The following COL11A1 variants were observed in gnomAD, a reference collection of about 807,000 sequenced individuals.
COL11A1 encodes the protein collagen alpha-1(XI) chain.
Under a neutral mutation model 265.2 loss-of-function variants are expected in COL11A1, and 74 were observed. That is an observed-to-expected ratio of 0.28 (90% confidence interval 0.23 to 0.34). The LOEUF (loss-of-function observed/expected upper bound fraction) is 0.34, where lower values mean the gene tolerates loss of function less well. Ranked by LOEUF, COL11A1 falls within the 10% of genes least tolerant of loss-of-function variation. The pLI is 1.00. For synonymous variants in COL11A1, 816 were observed against 727.6 expected (o/e 1.12, Z -1.96); for missense variants, 2,165 against 2,263.6 (o/e 0.96, Z 0.88).
intron 4 of COL11A1, among the ~76,000 whole-genome samples, chr1:103,069,854 C>T (rs12140473): frequency 0.11 from 16,767 of 151,748 alleles, 1,099 homozygotes; most frequent in Non-Finnish European, 0.14. Context: ...CACAATGTAA[C>T]ACTACAATGC....
chr1:102,983,691 G>A (rs1204317491), intron 31 of COL11A1, among the ~76,000 whole-genome samples: 1 of 151,870 alleles, frequency 6.6e-6, no homozygotes, highest in Non-Finnish European at 1.5e-5. Context: ...AAGTTAATAC[G>A]TTTGTGGAGA....
chr1:103,019,812 C>G (rs1046034899), intron 9 of COL11A1, among the ~76,000 whole-genome samples: 2 of 146,032 alleles, frequency 1.4e-5, no homozygotes, highest in African/African-American at 5.1e-5. Context: ...TTGTTCAATT[C>G]CCACCTATGA....
chr1:103,071,467 CTTTTTTTTTTTTTTTT>C (rs869263393), intron 4 of COL11A1, among the ~76,000 whole-genome samples: 1 of 49,892 alleles, frequency 2.0e-5, no homozygotes, highest in African/African-American at 7.9e-5. Flanking sequence ...GTTGGTAGGA[CTTTTTTTTTTTTTTTT>C]TTTTTTTTTT....
At chr1:102,994,035 G>A (rs1169461212) in intron 28 of COL11A1, among the ~76,000 whole-genome samples, 1 of 152,070 alleles carries the variant, frequency 6.6e-6, no homozygotes, top group African/African-American at 2.4e-5. Flanking sequence ...TAATAAATCT[G>A]ACAACATAGT....
intron 4 of COL11A1, among the ~76,000 whole-genome samples, chr1:103,052,516 C>T (rs538141135): frequency 2.0e-5 from 3 of 152,028 alleles, no homozygotes; most frequent in South Asian, 2.1e-4. Flanking sequence ...GTTATTATTC[C>T]CCCCTTGAAT....
At chr1:103,048,643 T>C (rs1669520201) in intron 4 of COL11A1, among the ~76,000 whole-genome samples, 1 of 152,166 alleles carries the variant, frequency 6.6e-6, no homozygotes, top group South Asian at 2.1e-4. Context: ...TATGCTAGCT[T>C]TTGAATGTGT....
intron 15 of COL11A1, among the ~76,000 whole-genome samples, chr1:103,006,701 C>T (rs12046276): frequency 1.3e-5 from 2 of 151,954 alleles, no homozygotes; most frequent in African/African-American, 2.4e-5. Flanking sequence ...CTATGCCCGG[C>T]TAATTTTTTG....
Position 102,918,737 on chromosome 1 carries a change from TTGAC to T in COL11A1, c.3762+1570_3762+1573del, listed in dbSNP as rs941426278. Among the ~76,000 whole-genome samples, 289 of 152,132 alleles carry T rather than the reference TTGAC, an allele frequency of 1.9e-3. 3 individuals carry two copies. Among genetic ancestry groups the T allele is most frequent in the Non-Finnish European group, 3.0e-3 (205 of 67,884 alleles). On this transcript the variant is annotated intron_variant, in intron 49 of 66. Transcript: ENST00000370096. ...TGGGATTGATTCAAAATGATTCAGA[TTGAC>T]TGAATTATTCTCATAAGAGTCAAAG...
chr1:103,099,550 T>C (rs1348832752), intron 1 of COL11A1, among the ~76,000 whole-genome samples: 1 of 151,168 alleles, frequency 6.6e-6, no homozygotes, highest in African/African-American at 2.4e-5. Context: ...CCCAATAGCA[T>C]ACCAATCTGA....
At chr1:103,092,125 T>C (rs1418406027) in intron 1 of COL11A1, among the ~76,000 whole-genome samples, 4 of 152,106 alleles carry the variant, frequency 2.6e-5, no homozygotes, top group Non-Finnish European at 1.5e-5. Context: ...GCAAAATCAA[T>C]TGTATCAGCA....
At chr1:103,013,695 T>C (rs1269421872) in intron 13 of COL11A1, among the ~76,000 whole-genome samples, 1 of 151,916 alleles carries the variant, frequency 6.6e-6, no homozygotes, top group East Asian at 1.9e-4. Context: ...GCTGCATAAA[T>C]TCATCATGAT....
At chr1:103,053,488 G>T (rs1669992617) in intron 4 of COL11A1, among the ~76,000 whole-genome samples, 1 of 152,148 alleles carries the variant, frequency 6.6e-6, no homozygotes, top group African/African-American at 2.4e-5. Flanking sequence ...CAGCCCTACA[G>T]AATCACTGAA....
At chr1:102,930,017 T>A (rs908178662) in intron 46 of COL11A1, among the ~76,000 whole-genome samples, 3 of 152,158 alleles carry the variant, frequency 2.0e-5, no homozygotes, top group African/African-American at 7.2e-5. Flanking sequence ...TTTCTAGATA[T>A]ACAATCATGT....
rs1051392996 is a variant in COL11A1, at chr1:102,983,579, C to A, written c.2556+559G>T. ...CACCAGAAGCTGGGAGAGGCAAGGA[C>A]AGATTCTTTACTAGAAACTCTGGAG... On this transcript the variant is annotated intron_variant, in intron 31 of 66. Transcript: ENST00000370096. 2.6e-5 allele frequency among the ~76,000 whole-genome samples: 4 copies of A among 152,140 alleles called. No individual in the cohort carries two copies. The East Asian group carries it at 7.7e-4, about 29-fold the overall frequency.
chr1:102,951,682 G>T (rs781426647), intron 41 of COL11A1, among the ~76,000 whole-genome samples: 1 of 152,074 alleles, frequency 6.6e-6, no homozygotes, highest in East Asian at 1.9e-4. Flanking sequence ...GGAGCTTGCA[G>T]TGAGCCGATA....
At chr1:103,096,527 A>C (rs1190339439) in intron 1 of COL11A1, among the ~76,000 whole-genome samples, 1 of 151,960 alleles carries the variant, frequency 6.6e-6, no homozygotes, top group Non-Finnish European at 1.5e-5. Flanking sequence ...GACTTAATAA[A>C]TACTGTTAGA....
chr1:102,963,507 C>T (rs765145904), intron 38 of COL11A1, among the ~76,000 whole-genome samples: 1 of 152,078 alleles, frequency 6.6e-6, no homozygotes, highest in Non-Finnish European at 1.5e-5. Flanking sequence ...CAGTTGCTCT[C>T]TATCTTAATA....
chr1:103,101,395 C>T (rs1196266866), intron 1 of COL11A1, among the ~76,000 whole-genome samples: 2 of 151,970 alleles, frequency 1.3e-5, no homozygotes, highest in African/African-American at 2.4e-5. Context: ...ACAGACACCA[C>T]TTCAATATTT....
rs536667257 is a variant in COL11A1, at chr1:103,095,319, A to G, written c.107-12347T>C. ...ATTAACACAAACTCAGTATCTTTAA[A>G]TGCACCATCATTTTCTATATGAAAA... On this transcript the variant is annotated intron_variant, in intron 1 of 66. Coordinates refer to ENST00000370096, the MANE Select transcript of COL11A1 (RefSeq NM_001854.4). 1.8e-4 allele frequency among the ~76,000 whole-genome samples: 27 copies of G among 152,180 alleles called. 1 individual carries two copies. The highest frequency in any genetic ancestry group is 1.4e-3 in the Admixed American group (21 of 15,252).
Sources: allele counts gnomAD v4.1 joint callset (sites outside exome capture counted in the v4.1 genomes callset), GRCh38; gene constraint gnomAD v4.1.1; transcripts MANE v1.5; gene names NCBI Gene and HGNC (gene_info 2026-07-23, HGNC 2026-07-21).